GRM7: variants seen among roughly 807,000 people sequenced by gnomAD.
GRM7 encodes the protein metabotropic glutamate receptor 7.
Under a neutral mutation model 84.5 loss-of-function variants are expected in GRM7, and 35 were observed. The ratio of observed to expected loss-of-function variants is 0.41; its 90% CI spans 0.32 to 0.55. The LOEUF is 0.55. Ranked by LOEUF, GRM7 falls within the 20% of genes least tolerant of loss-of-function variation. GRM7 has a pLI of 0.19. For missense variants in GRM7, 1,003 were observed against 1,194.6 expected (o/e 0.84, Z 2.36); for synonymous variants, 487 against 455.1 (o/e 1.07, Z -0.89).
intron 7 of GRM7, among the ~76,000 whole-genome samples, chr3:7,559,607 AT>A (rs1467849067): frequency 2.6e-5 from 4 of 152,096 alleles, no homozygotes; most frequent in South Asian, 4.1e-4. Flanking sequence ...CCAAAAGAGC[AT>A]TGCTTTAAGC....
At chr3:6,921,746 A>G (rs1697132027) in intron 1 of GRM7, among the ~76,000 whole-genome samples, 1 of 152,158 alleles carries the variant, frequency 6.6e-6, no homozygotes, top group South Asian at 2.1e-4. Context: ...ATAGCCAGGA[A>G]AGACCAAATT....
intron 8 of GRM7, among the ~76,000 whole-genome samples, chr3:7,602,074 C>T (rs1480425733): frequency 1.9e-5 from 2 of 105,444 alleles, no homozygotes. Context: ...ACGCATATTA[C>T]CAGGACAAAA....
At chr3:7,478,328 A>C (rs932762641) in intron 7 of GRM7, among the ~76,000 whole-genome samples, 2 of 151,946 alleles carry the variant, frequency 1.3e-5, no homozygotes, top group South Asian at 4.2e-4. Context: ...CTGTTTTATC[A>C]CTTCTTGTGA....
chr3:7,339,774 T>G (rs1262291108), intron 4 of GRM7, among the ~76,000 whole-genome samples: 1 of 152,172 alleles, frequency 6.6e-6, no homozygotes, highest in African/African-American at 2.4e-5. Flanking sequence ...TTTGGAGGAA[T>G]GAGCTTTGTG....
chr3:7,152,363 C>T (rs1313122569), intron 2 of GRM7, among the ~76,000 whole-genome samples: 2 of 152,176 alleles, frequency 1.3e-5, no homozygotes, highest in Admixed American at 1.3e-4. Flanking sequence ...CTTTCTAAAA[C>T]ATAAATAAAG....
At chr3:7,165,617 C>T (rs573224279) in intron 2 of GRM7, among the ~76,000 whole-genome samples, 27 of 152,246 alleles carry the variant, frequency 1.8e-4, no homozygotes, top group Non-Finnish European at 3.1e-4. Context: ...TTAGCTAATT[C>T]GATATCTATA....
chr3:7,645,641 G>A (rs1698600734), intron 8 of GRM7, among the ~76,000 whole-genome samples: 1 of 150,732 alleles, frequency 6.6e-6, no homozygotes. Context: ...TAATCTCTAT[G>A]AGCCACAGAG....
intron 2 of GRM7, among the ~76,000 whole-genome samples, chr3:7,297,269 T>C (rs926510194): frequency 6.6e-6 from 1 of 152,152 alleles, no homozygotes; most frequent in Non-Finnish European, 1.5e-5. Flanking sequence ...TATTTGGTAG[T>C]GTGTTGTTTA....
chr3:7,448,968 TA>T (rs200992414), intron 5 of GRM7, among the ~76,000 whole-genome samples: 6,908 of 151,938 alleles, frequency 0.045, 194 homozygotes, highest in South Asian at 0.069. Flanking sequence ...CTAAGTTCTA[TA>T]AAAAATAAGA....
Position 7,656,512 on chromosome 3 carries a change from A to AAATAT in GRM7, c.2452-23536_2452-23535insATATA, listed in dbSNP as rs1425575927. On this transcript the variant is annotated intron_variant, in intron 8 of 9. Coordinates refer to ENST00000357716, the MANE Select transcript of GRM7 (RefSeq NM_000844.4). ...CTCTGTCTCAAAAAACAAACAAACAAATAAAAAAAAATATATATATATATA... is the reference window on the plus strand; with the variant it reads ...CTCTGTCTCAAAAAACAAACAAACAAAATATATAAAAAAAAATATATATATATATA... Among the ~76,000 whole-genome samples the AAATAT allele has an allele frequency of 4.7e-3, 336 of 72,176 alleles. 2 individuals are homozygous for AAATAT. Among genetic ancestry groups the AAATAT allele is most frequent in the Middle Eastern group, 0.033 (5 of 152 alleles). 47.4% of individuals were successfully genotyped at this position (72,176 alleles called of 152,430 possible).
chr3:6,881,119 C>T (rs1196525634), intron 1 of GRM7, among the ~76,000 whole-genome samples: 2 of 152,098 alleles, frequency 1.3e-5, no homozygotes, highest in African/African-American at 4.8e-5. Flanking sequence ...TCCTCAAATA[C>T]ACATTCTTTT....
chr3:7,503,139 C>A (rs1044692494), intron 7 of GRM7, among the ~76,000 whole-genome samples: 1 of 152,150 alleles, frequency 6.6e-6, no homozygotes, highest in Non-Finnish European at 1.5e-5. Context: ...GATGTGATTG[C>A]TTCCCCAGCA....
intron 4 of GRM7, among the ~76,000 whole-genome samples, chr3:7,345,289 C>G (rs1036588651): frequency 9.1e-6 from 1 of 109,296 alleles, no homozygotes; most frequent in Non-Finnish European, 2.0e-5. Flanking sequence ...TTTTTTTTTT[C>G]TTTGAGACAG....
At chr3:7,445,028 TCTTC>T (rs1316555796) in intron 5 of GRM7, among the ~76,000 whole-genome samples, 1 of 152,208 alleles carries the variant, frequency 6.6e-6, no homozygotes, top group Non-Finnish European at 1.5e-5. Flanking sequence ...TGCGTTGTTT[TCTTC>T]CTTCCTCTGC....
chr3:7,326,690 A>G (rs1701001098), intron 4 of GRM7, among the ~76,000 whole-genome samples: 1 of 152,060 alleles, frequency 6.6e-6, no homozygotes, highest in South Asian at 2.1e-4. Flanking sequence ...TCTAGTAAAA[A>G]TATAAAATTA....
At chr3:7,032,466 T>C (rs1462876969) in intron 1 of GRM7, among the ~76,000 whole-genome samples, 1 of 152,186 alleles carries the variant, frequency 6.6e-6, no homozygotes, top group Non-Finnish European at 1.5e-5. Flanking sequence ...AAATGTTAGT[T>C]GTTATTATTG....
intron 4 of GRM7, among the ~76,000 whole-genome samples, chr3:7,319,358 G>C (rs1222853837): frequency 6.6e-6 from 1 of 152,038 alleles, no homozygotes; most frequent in Non-Finnish European, 1.5e-5. Context: ...AGAGCCAAAA[G>C]TATCAAACAG....
In GRM7 at chr3:7,413,618, T is replaced by C. The variant is rs74443108; in HGVS notation, c.1034-1405T>C. On this transcript the variant is annotated intron_variant, in intron 4 of 9. Coordinates refer to ENST00000357716, the MANE Select transcript of GRM7 (RefSeq NM_000844.4). Reference sequence around the variant, plus strand: ...TGTGTAGTGGGTTTTACCGTTTTGATTGACTTATCCATTCCAATACCTGAA... The same window carrying C: ...TGTGTAGTGGGTTTTACCGTTTTGACTGACTTATCCATTCCAATACCTGAA... 6.7e-3 allele frequency among the ~76,000 whole-genome samples: 1,020 copies of C among 152,308 alleles called. 11 individuals carry two copies. The highest frequency in any genetic ancestry group is 0.023 in the African/African-American group (953 of 41,560).
intron 7 of GRM7, among the ~76,000 whole-genome samples, chr3:7,477,671 G>C (rs576981921): frequency 6.6e-6 from 1 of 152,024 alleles, no homozygotes; most frequent in South Asian, 2.1e-4. Flanking sequence ...TGTGATCAAC[G>C]CGAAGAAACA....
Sources: allele counts gnomAD v4.1 joint callset (sites outside exome capture counted in the v4.1 genomes callset), GRCh38; gene constraint gnomAD v4.1.1; transcripts MANE v1.5; gene names NCBI Gene and HGNC (gene_info 2026-07-23, HGNC 2026-07-21).